PAX7: variants seen among roughly 807,000 people sequenced by gnomAD.
The protein encoded by PAX7 is paired box 7, also known as paired box protein Pax-7.
Under a neutral mutation model 50.7 loss-of-function variants are expected in PAX7, and 18 were observed. The observed-to-expected ratio is 0.36, with a 90% CI of 0.25 to 0.53. The LOEUF (loss-of-function observed/expected upper bound fraction) is 0.53. Among genes scored for constraint, PAX7 ranks in the 20% least tolerant of loss-of-function variants. The probability of loss-of-function intolerance (pLI) is 0.93; values close to 1 mark genes in which losing one functional copy is unlikely to be tolerated. For synonymous variants in PAX7, 310 were observed against 290.4 expected (o/e 1.07, Z -0.69); for missense variants, 644 against 702.9 (o/e 0.92, Z 0.95).
At chr1:18,639,863 G>A (rs1472783195) in intron 4 of PAX7, among the ~76,000 whole-genome samples, 4 of 152,256 alleles carry the variant, frequency 2.6e-5, no homozygotes, top group East Asian at 1.9e-4. Flanking sequence ...CAGACCAGGG[G>A]CTCCGCTTTG....
intron 7 of PAX7, among the ~76,000 whole-genome samples, chr1:18,723,427 C>A (rs944378359): frequency 4.6e-5 from 7 of 152,178 alleles, no homozygotes; most frequent in Non-Finnish European, 1.0e-4. Flanking sequence ...ACATGAAGGA[C>A]AGCCGAATAT....
At chr1:18,637,634 C>A (rs370775731) in intron 4 of PAX7, among the ~76,000 whole-genome samples, 5 of 152,250 alleles carry the variant, frequency 3.3e-5, no homozygotes, top group Non-Finnish European at 5.9e-5. Flanking sequence ...CCCTCCCAAC[C>A]TTGAAGATGA....
intron 4 of PAX7, among the ~76,000 whole-genome samples, chr1:18,663,851 A>C (rs1341981545): frequency 6.6e-6 from 1 of 152,256 alleles, no homozygotes; most frequent in Non-Finnish European, 1.5e-5. Flanking sequence ...GGTCAGGAAC[A>C]GTTATCACTT....
Position 18,703,187 on chromosome 1 carries a change from G to C in PAX7, c.1046G>C (p.Ser349Thr), listed in dbSNP as rs2089243847. 1 of 1,613,438 alleles carries C rather than the reference G, an allele frequency of 6.2e-7. No homozygotes were observed. The highest frequency in any genetic ancestry group is 2.2e-5 in the East Asian group (1 of 44,896). The change falls in exon 7 of 9, where the codon AGC becomes ACC. Residue 349 changes from serine to threonine, a missense_variant. Physicochemically the swap from Ser to Thr is moderately conservative, Grantham distance 58. Transcript: ENST00000420770. ...LAAAAAAADTSSAYGARHSFS... is the reference protein window; with the variant it reads ...LAAAAAAADTTSAYGARHSFS... ...GCAGCGGCTGCAGCCGCCGACACCA[G>C]CTCTGCCTACGGAGCCCGCCACAGC... is the stretch of plus-strand genomic sequence containing the variant.
chr1:18,725,401 C>T (rs781603426), intron 7 of PAX7, among the ~76,000 whole-genome samples: 11 of 152,044 alleles, frequency 7.2e-5, no homozygotes, highest in East Asian at 5.9e-4. Context: ...TCAAGGAGGC[C>T]CTCCTCCCTC....
intron 7 of PAX7, among the ~76,000 whole-genome samples, chr1:18,710,152 C>T (rs2089332440): frequency 1.3e-5 from 2 of 152,212 alleles, no homozygotes; most frequent in African/African-American, 2.4e-5. Context: ...TCATTCCAGC[C>T]CCACAGCAAC....
At chr1:18,703,402 C>CT in intron 7 of PAX7, 106 bp downstream of exon 7, 1 of 1,011,594 alleles carries the variant, frequency 9.9e-7, no homozygotes, top group Non-Finnish European at 1.5e-6. Flanking sequence ...AGCAGGCTGA[C>CT]TGCGGTTGGG....
intron 4 of PAX7, among the ~76,000 whole-genome samples, chr1:18,665,535 C>A (rs143319073): frequency 2.6e-5 from 4 of 152,046 alleles, no homozygotes; most frequent in African/African-American, 9.7e-5. Flanking sequence ...GCCACCACAC[C>A]CAGCTAATTT....
intron 7 of PAX7, among the ~76,000 whole-genome samples, chr1:18,715,877 G>A (rs1476485859): frequency 1.3e-5 from 2 of 152,316 alleles, no homozygotes; most frequent in East Asian, 3.9e-4. Flanking sequence ...GGGCCGGGAT[G>A]CAGACCTCCT....
At chr1:18,662,953 G>C (rs1385659482) in intron 4 of PAX7, among the ~76,000 whole-genome samples, 1 of 151,814 alleles carries the variant, frequency 6.6e-6, no homozygotes, top group Non-Finnish European at 1.5e-5. Context: ...AATATAGAAA[G>C]TAAAAAAGCT....
rs774609612 is a variant in PAX7 at position 18,700,714 on chromosome 1, C to A, written c.848C>A (p.Ala283Glu). ...CAGGCAGGAGCCAACCAGCTGGCGGCGTTCAACCACCTTCTGCCAGGAGGC... is the reference window on the plus strand; with the variant it reads ...CAGGCAGGAGCCAACCAGCTGGCGGAGTTCAACCACCTTCTGCCAGGAGGC... ...RKQAGANQLA[A>E]FNHLLPGGFP... The change falls in exon 6 of 9, where the codon GCG becomes GAG. Residue 283 changes from alanine (A) to glutamate (E), a missense_variant. Ala to Glu is a moderately radical substitution (Grantham distance 107, BLOSUM62 -1). Transcript: ENST00000420770. This position sits in a 1 kb window ranked among gnomAD's most constrained non-coding sequence, Gnocchi z 4.8. 1 of 1,602,168 alleles carries A rather than the reference C, an allele frequency of 6.2e-7. No homozygotes were observed. The highest frequency in any genetic ancestry group is 1.1e-5 in the South Asian group (1 of 89,284).
At chr1:18,731,614 C>T (rs1434289164) in intron 7 of PAX7, among the ~76,000 whole-genome samples, 1 of 152,114 alleles carries the variant, frequency 6.6e-6, no homozygotes, top group East Asian at 1.9e-4. Context: ...CCGCCGCTCT[C>T]CAGTTGGGTC....
chr1:18,726,853 G>GACCCCA lies in PAX7; in HGVS notation c.1156-8778_1156-8773dup, dbSNP rs1426231408. On this transcript the variant is annotated intron_variant, in intron 7 of 8. Coordinates refer to ENST00000420770, the MANE Select transcript of PAX7 (RefSeq NM_001135254.2). This position sits in a 1 kb window ranked among gnomAD's most constrained non-coding sequence, Gnocchi z 4.8. ...TCAAGCTGCACGTGGGAGGAGAAGA[G>GACCCCA]ACCCCACCAGGGTTGTGGGTGGCTA... Among the ~76,000 whole-genome samples the GACCCCA allele has an allele frequency of 6.6e-6, 1 of 152,190 alleles. No homozygotes were observed. The highest frequency in any genetic ancestry group is 1.5e-5 in the Non-Finnish European group (1 of 68,042).
chr1:18,735,636 T>A lies in PAX7; in HGVS notation c.1160T>A (p.Met387Lys). The change falls in exon 8 of 9, where the codon ATG becomes AAG. Residue 387 changes from methionine to lysine, a missense_variant. Physicochemically the swap from Met to Lys is moderately conservative, Grantham distance 95. Coordinates refer to ENST00000420770, the MANE Select transcript of PAX7 (RefSeq NM_001135254.2). This position sits in a 1 kb window ranked among gnomAD's most constrained non-coding sequence, Gnocchi z 4.0. The stretch of plus-strand genomic sequence containing the variant: ...CTAATGGCCTTTTCCCCACAGGTGA[T>A]GAGCATCTTGGGCAACCCCAGTGCG... The part of the protein sequence containing the change: ...PVSNGLSPQV[M>K]SILGNPSAVP... 1 of 1,611,306 alleles carries A rather than the reference T, an allele frequency of 6.2e-7. No homozygotes were observed. Among genetic ancestry groups the A allele is most frequent in the Non-Finnish European group, 8.5e-7 (1 of 1,177,978 alleles).
Position 18,700,967 on chromosome 1 carries a change from T to A in PAX7, c.952+149T>A. The A allele has an allele frequency of 1.2e-6, 1 of 809,936 alleles. No homozygotes were observed. Among genetic ancestry groups the A allele is most frequent in the Non-Finnish European group, 1.8e-6 (1 of 562,658 alleles). The allele number at this position is 809,936 out of a possible 1,614,324, so 50.2% of individuals were successfully genotyped here. A position where few individuals can be genotyped will look rare whatever the true frequency, so the allele number is the denominator to read the frequency against. On this transcript the variant is annotated intron_variant, in intron 6 of 8. Coordinates refer to ENST00000420770, the MANE Select transcript of PAX7 (RefSeq NM_001135254.2). The surrounding 1 kb of genome is among the most constrained non-coding windows in gnomAD (Gnocchi z 4.8). Reference sequence around the variant, plus strand: ...AGAGCAAAAAGATGCAATCCTGCCCTTGAAATTCTTGGCCCTGACACAGAG... The same window carrying A: ...AGAGCAAAAAGATGCAATCCTGCCCATGAAATTCTTGGCCCTGACACAGAG...
At chr1:18,712,436 G>A (rs1029345340) in intron 7 of PAX7, among the ~76,000 whole-genome samples, 4 of 152,210 alleles carry the variant, frequency 2.6e-5, no homozygotes, top group Admixed American at 6.5e-5. Flanking sequence ...TCGTGTTTAT[G>A]TCTCTGCCTT....
chr1:18,678,068 C>T (rs1158143922), intron 4 of PAX7, among the ~76,000 whole-genome samples: 2 of 125,164 alleles, frequency 1.6e-5, no homozygotes, highest in Admixed American at 9.4e-5. Flanking sequence ...GGTGACAGAG[C>T]GAGACTCCGT....
chr1:18,687,159 G>A (rs993345984), intron 4 of PAX7, among the ~76,000 whole-genome samples: 1 of 152,066 alleles, frequency 6.6e-6, no homozygotes, highest in African/African-American at 2.4e-5. Context: ...CCAAAGTGCT[G>A]GGATTATAGA....
intron 7 of PAX7, among the ~76,000 whole-genome samples, chr1:18,705,138 T>A (rs1557541632): frequency 6.6e-6 from 1 of 152,178 alleles, no homozygotes; most frequent in Non-Finnish European, 1.5e-5. Flanking sequence ...CACCCCACTC[T>A]CTTGCTGGGA....
Sources: gnomAD v4.1 joint callset for allele counts (sites outside exome capture counted in the v4.1 genomes callset) on GRCh38, gnomAD v4.1.1 for gene constraint, Gnocchi (gnomAD v3.1) non-coding constraint, MANE v1.5 for transcripts, NCBI Gene and HGNC (gene_info 2026-07-23, HGNC 2026-07-21) for gene names.